The following KCNMA1 variants were observed in gnomAD, a reference collection of about 807,000 sequenced individuals.
KCNMA1 encodes potassium calcium-activated channel subfamily M alpha 1, also known as Calcium-activated potassium channel subunit alpha-1.
KCNMA1 carries 29 observed loss-of-function variants against 140.0 expected under a neutral mutation model. The ratio of observed to expected loss-of-function variants is 0.21; its 90% CI spans 0.15 to 0.28. KCNMA1 has a LOEUF of 0.28. Ranked by LOEUF, KCNMA1 falls within the 10% of genes least tolerant of loss-of-function variation. The pLI is 1.00. For missense variants in KCNMA1, 880 were observed against 1,602.2 expected, an observed-to-expected ratio of 0.55 and a Z score of 7.70; for synonymous variants, 612 against 611.9, an observed-to-expected ratio of 1.00 and a Z score of 0.00.
At chr10:77,329,579 G>A (rs2085540517) in intron 2 of KCNMA1, among the ~76,000 whole-genome samples, 1 of 152,230 alleles carries the variant, frequency 6.6e-6, no homozygotes, top group Non-Finnish European at 1.5e-5. Flanking sequence ...CAACCACACA[G>A]TCTAGGTATT....
intron 2 of KCNMA1, among the ~76,000 whole-genome samples, chr10:77,370,642 C>G (rs1462364246): frequency 6.6e-6 from 1 of 152,198 alleles, no homozygotes; most frequent in Non-Finnish European, 1.5e-5. Context: ...ACCAAGCAAA[C>G]CCTGAAGAAG....
At chr10:76,923,067 T>C (rs2056456780) in intron 23 of KCNMA1, among the ~76,000 whole-genome samples, 1 of 152,208 alleles carries the variant, frequency 6.6e-6, no homozygotes, top group Admixed American at 6.5e-5. Context: ...CCTTTGCAAG[T>C]TGACTCCACC....
At chr10:77,080,995 AG>A (rs2096551357) in intron 12 of KCNMA1, among the ~76,000 whole-genome samples, 1 of 152,180 alleles carries the variant, frequency 6.6e-6, no homozygotes, top group Non-Finnish European at 1.5e-5. Context: ...ATAAGTGCCA[AG>A]GCATTGCGGG....
intron 13 of KCNMA1, among the ~76,000 whole-genome samples, chr10:77,075,658 T>C (rs2096371020): frequency 6.6e-6 from 1 of 152,210 alleles, no homozygotes; most frequent in Admixed American, 6.5e-5. Context: ...TGTGATTATA[T>C]AGAAAAGTTG....
At chr10:77,166,179 TAAAC>T (rs2098639929) in intron 5 of KCNMA1, among the ~76,000 whole-genome samples, 1 of 152,142 alleles carries the variant, frequency 6.6e-6, no homozygotes, top group Admixed American at 6.6e-5. Context: ...AAAATAAATA[TAAAC>T]AAACAAGAAA....
chr10:77,038,895 C>G (rs922483898), intron 15 of KCNMA1, among the ~76,000 whole-genome samples: 1 of 152,136 alleles, frequency 6.6e-6, no homozygotes, highest in African/African-American at 2.4e-5. Context: ...GAGGTCATCC[C>G]CCATAGGTGA....
At chr10:77,470,185 G>A (rs1238015233) in intron 1 of KCNMA1, among the ~76,000 whole-genome samples, 3 of 152,130 alleles carry the variant, frequency 2.0e-5, no homozygotes, top group African/African-American at 4.8e-5. Context: ...TCCAGGAAAG[G>A]GAAACAGGTG....
chr10:77,023,821 C>T (rs1593968074), intron 16 of KCNMA1, among the ~76,000 whole-genome samples: 1 of 152,154 alleles, frequency 6.6e-6, no homozygotes, highest in Non-Finnish European at 1.5e-5. Flanking sequence ...CACACTTTTA[C>T]TTTAGGATAC....
At chr10:77,021,187 AC>A (rs1223837343) in intron 16 of KCNMA1, 1 of 152,236 alleles carries the variant, frequency 6.6e-6, no homozygotes, top group Non-Finnish European at 1.5e-5. Flanking sequence ...ATAAGGACAT[AC>A]ACAAAAAATT....
Position 77,340,851 on chromosome 10 carries a change from T to TA in KCNMA1, c.540+63010dup, listed in dbSNP as rs2090694231. ...TGTTGTGCACATGTACCCTAGAACT[T>TA]AAAGTATAATTTAAAAAATGCCAAA... On this transcript the variant is annotated intron_variant, in intron 2 of 27. Coordinates refer to ENST00000286628, the MANE Select transcript of KCNMA1 (RefSeq NM_001161352.2). Among the ~76,000 whole-genome samples the TA allele has an allele frequency of 2.0e-5, 3 of 147,998 alleles. No individual in the cohort carries two copies. In the South Asian group the frequency reaches 6.5e-4, roughly 32 times the overall value.
At chr10:77,567,555 T>C (rs917697710) in intron 1 of KCNMA1, among the ~76,000 whole-genome samples, 1 of 152,340 alleles carries the variant, frequency 6.6e-6, no homozygotes, top group African/African-American at 2.4e-5. Flanking sequence ...AGGGAGAAAC[T>C]ATTTAGTATC....
chr10:77,257,709 C>T (rs535218864), intron 2 of KCNMA1, among the ~76,000 whole-genome samples: 18 of 151,978 alleles, frequency 1.2e-4, no homozygotes, highest in Admixed American at 2.6e-4. Context: ...ATCATGGGGG[C>T]GGGTCTTTCC....
At chr10:77,363,388 C>T (rs2094132656) in intron 2 of KCNMA1, among the ~76,000 whole-genome samples, 1 of 152,174 alleles carries the variant, frequency 6.6e-6, no homozygotes, top group Non-Finnish European at 1.5e-5. Flanking sequence ...ACAGCAGGGA[C>T]CAAAGCCAGG....
At position 76,957,403 on chromosome 10, in the gene KCNMA1, G is replaced by A. The variant is rs996952289; in HGVS notation, c.2361-3479C>T. Among the ~76,000 whole-genome samples, 3 of 152,134 alleles carry A rather than the reference G, an allele frequency of 2.0e-5. No individual in the cohort carries two copies. The East Asian group carries it at 5.8e-4, about 29-fold the overall frequency. ...AGTCAAGTTGAAGATGGATTAAACT[G>A]ATTGAGTATGACTGATTGACAGCAG... On this transcript the variant is annotated intron_variant, in intron 20 of 27. Transcript: ENST00000286628.
At chr10:76,878,026 A>G in intron 29 of KCNMA1, 1 of 823,302 alleles carries the variant, frequency 1.2e-6, no homozygotes. Context: ...GTAATTGCTA[A>G]GAGAGACAGT....
At chr10:77,528,181 G>C (rs1052958343) in intron 1 of KCNMA1, among the ~76,000 whole-genome samples, 3 of 152,186 alleles carry the variant, frequency 2.0e-5, no homozygotes, top group African/African-American at 7.2e-5. Flanking sequence ...GCACCCAACA[G>C]AGCAAGTAAC....
intron 16 of KCNMA1, among the ~76,000 whole-genome samples, chr10:77,026,029 A>C (rs1458956918): frequency 6.7e-6 from 1 of 150,182 alleles, no homozygotes. Context: ...ACTAAAAACT[A>C]TATCTACAAA....
At chr10:77,285,307 T>G (rs1364239590) in intron 2 of KCNMA1, among the ~76,000 whole-genome samples, 1 of 152,234 alleles carries the variant, frequency 6.6e-6, no homozygotes, top group African/African-American at 2.4e-5. Flanking sequence ...AAGTTTTTTT[T>G]TTAATCTTCG....
At chr10:76,977,806 T>C (rs1429539971) in intron 19 of KCNMA1, 4 of 584,390 alleles carry the variant, frequency 6.8e-6, no homozygotes, top group African/African-American at 3.7e-5. Context: ...ATGAGTCAGG[T>C]GAGTTTCACA....
Sources: gnomAD v4.1 joint callset for allele counts (sites outside exome capture counted in the v4.1 genomes callset) on GRCh38, gnomAD v4.1.1 for gene constraint, MANE v1.5 for transcripts, NCBI Gene and HGNC (gene_info 2026-07-23, HGNC 2026-07-21) for gene names.